TTC39B: variants seen among roughly 807,000 people sequenced by gnomAD.
The protein encoded by TTC39B is tetratricopeptide repeat domain 39B.
TTC39B carries 92 observed loss-of-function variants against 96.6 expected under a neutral mutation model. That is an observed-to-expected ratio of 0.95 (90% CI 0.80 to 1.13). The LOEUF is 1.13. Ranked by LOEUF, TTC39B falls within the 50% of genes most tolerant of loss-of-function variation. TTC39B has a pLI of 0.00. For synonymous variants in TTC39B, 367 were observed against 299.4 expected, an observed-to-expected ratio of 1.23 and a Z score of -2.33; for missense variants, 955 against 809.3, an observed-to-expected ratio of 1.18 and a Z score of -2.18.
chr9:15,168,052 G>A (rs1478821052), exon 20 of TTC39B: 1 of 152,164 alleles, frequency 6.6e-6, no homozygotes, highest in Non-Finnish European at 1.5e-5. Flanking sequence ...CACAAATCAG[G>A]TGATCATAGT....
At chr9:15,249,760 TG>T in intron 2 of TTC39B, 1 of 464,464 alleles carries the variant, frequency 2.2e-6, no homozygotes, top group South Asian at 3.5e-5. Context: ...AAGCTCTTAA[TG>T]AAGACAATGT....
intron 3 of TTC39B, among the ~76,000 whole-genome samples, chr9:15,217,605 C>G (rs751916937): frequency 6.6e-6 from 1 of 152,158 alleles, no homozygotes; most frequent in South Asian, 2.1e-4. Context: ...CTCGGACACA[C>G]GTGTTCCTCT....
At chr9:15,249,471 C>T (rs1027474432) in intron 2 of TTC39B, 1 of 152,954 alleles carries the variant, frequency 6.5e-6, no homozygotes, top group African/African-American at 2.4e-5. Context: ...ATTACCCTAA[C>T]AAAACAAAAC....
chr9:15,211,205 T>C, intron 5 of TTC39B, 61 bp downstream of exon 5: 2 of 1,391,092 alleles, frequency 1.4e-6, no homozygotes, highest in Non-Finnish European at 1.9e-6. Context: ...ATGACATTAT[T>C]TTTGTCACAC....
chr9:15,307,029 C>G (rs1050039597), intron 1 of TTC39B, 55 bp downstream of exon 1: 27 of 1,585,784 alleles, frequency 1.7e-5, no homozygotes, highest in Non-Finnish European at 2.1e-5. Context: ...TCTTCTCTCC[C>G]GGACTCCTGT....
rs370200846 is a variant in TTC39B at position 15,246,137 on chromosome 9, C to T, written c.276-20125G>A. Reference sequence around the variant, plus strand: ...GCGTGGTGGCACATGCCTGTAATCCCGGCTACTAGGGAGTCTGAGGCAGGA... The same window carrying T: ...GCGTGGTGGCACATGCCTGTAATCCTGGCTACTAGGGAGTCTGAGGCAGGA... On this transcript the variant is annotated intron_variant, in intron 2 of 19. Coordinates refer to ENST00000512701, the Ensembl canonical transcript of TTC39B. Among the ~76,000 whole-genome samples the T allele has an allele frequency of 1.4e-4, 22 of 152,226 alleles. 1 individual carries two copies. The East Asian group carries it at 3.7e-3, about 25-fold the overall frequency.
At chr9:15,227,109 C>T (rs1432856384) in intron 2 of TTC39B, among the ~76,000 whole-genome samples, 1 of 152,048 alleles carries the variant, frequency 6.6e-6, no homozygotes, top group Admixed American at 6.6e-5. Flanking sequence ...GAGTTCGAGA[C>T]CAGCCTGGCC....
At chr9:15,180,877 A>C (rs535429232) in intron 17 of TTC39B, among the ~76,000 whole-genome samples, 2 of 152,298 alleles carry the variant, frequency 1.3e-5, no homozygotes, top group South Asian at 4.1e-4. Context: ...AAATAAACTA[A>C]TTATTTCACC....
exon 20 of TTC39B, chr9:15,166,979 A>ATTT (rs1371714154): frequency 1.5e-4 from 5 of 33,430 alleles, no homozygotes; most frequent in Middle Eastern, 0.018. Context: ...ACAAACCTTT[A>ATTT]TTTTATATAT....
At chr9:15,292,998 A>G (rs1824242769) in intron 1 of TTC39B, among the ~76,000 whole-genome samples, 1 of 152,240 alleles carries the variant, frequency 6.6e-6, no homozygotes, top group Admixed American at 6.5e-5. Flanking sequence ...AGGCCTTCAC[A>G]TTCACTCACC....
In TTC39B at chr9:15,278,772, C is replaced by T. The variant is rs76390216; in HGVS notation, c.241-10824G>A. Among the ~76,000 whole-genome samples the T allele has an allele frequency of 2.3e-3, 344 of 152,320 alleles. 2 individuals are homozygous for T. The highest frequency in any genetic ancestry group is 7.2e-3 in the African/African-American group (301 of 41,570). ...ACCTAGGCACTATGTTGAATACTCA[C>T]GTGCTTATTTCTAATTCACAAATAC... On this transcript the variant is annotated intron_variant, in intron 1 of 19. Transcript: ENST00000512701.
At chr9:15,259,434 A>G (rs7864179) in intron 2 of TTC39B, among the ~76,000 whole-genome samples, 23,131 of 152,212 alleles carry the variant, frequency 0.15, 1,956 homozygotes, top group African/African-American at 0.23. Context: ...TCACCATGCA[A>G]CTTACCAATT....
intron 2 of TTC39B, among the ~76,000 whole-genome samples, chr9:15,239,116 T>G (rs1486260499): frequency 6.6e-6 from 1 of 151,966 alleles, no homozygotes; most frequent in East Asian, 1.9e-4. Flanking sequence ...GAACAGATAT[T>G]TCTTAAATAA....
Position 15,193,490 on chromosome 9 carries a change from T to C in TTC39B, c.825-795A>G, listed in dbSNP as rs192267576. Among the ~76,000 whole-genome samples, 131 of 152,378 alleles carry C rather than the reference T, an allele frequency of 8.6e-4. 1 individual carries two copies. Among genetic ancestry groups the C allele is most frequent in the African/African-American group, 2.9e-3 (121 of 41,602 alleles). On this transcript the variant is annotated intron_variant, in intron 8 of 19. Transcript: ENST00000512701. The stretch of plus-strand genomic sequence containing the variant: ...GTGCAACTACACTTGTGATCCAGTC[T>C]AGCCAAATATTTTTAATCTGAATCT...
At chr9:15,215,858 T>C (rs1405558179) in intron 3 of TTC39B, among the ~76,000 whole-genome samples, 4 of 152,190 alleles carry the variant, frequency 2.6e-5, no homozygotes, top group Non-Finnish European at 2.9e-5. Context: ...AACGAGACGC[T>C]ATCTCAAAAA....
chr9:15,281,625 C>CAAAAAAAAAAAAAAAAAA (rs1161175672), intron 1 of TTC39B, among the ~76,000 whole-genome samples: 5 of 49,008 alleles, frequency 1.0e-4, no homozygotes, highest in African/African-American at 4.8e-4. Flanking sequence ...CCTGCAACAG[C>CAAAAAAAAAAAAAAAAAA]AAAAAAAAAA....
At chr9:15,273,030 A>T (rs1190625090) in intron 1 of TTC39B, among the ~76,000 whole-genome samples, 1 of 152,188 alleles carries the variant, frequency 6.6e-6, no homozygotes, top group Non-Finnish European at 1.5e-5. Flanking sequence ...TCACCTACTA[A>T]GGCTTTTCCA....
At chr9:15,256,388 G>A (rs968430645) in intron 2 of TTC39B, among the ~76,000 whole-genome samples, 3 of 152,068 alleles carry the variant, frequency 2.0e-5, no homozygotes, top group Admixed American at 1.3e-4. Context: ...ATTTTGTTAC[G>A]GCAGCCCAAA....
chr9:15,250,244 T>A, intron 2 of TTC39B: 1 of 1,096,468 alleles, frequency 9.1e-7, no homozygotes, highest in African/African-American at 1.7e-5. Flanking sequence ...GGGAGATTTT[T>A]TTTCCCCCAA....
Sources: gnomAD v4.1 joint callset for allele counts (sites outside exome capture counted in the v4.1 genomes callset) on GRCh38, gnomAD v4.1.1 for gene constraint, MANE v1.5 for transcripts, NCBI Gene and HGNC (gene_info 2026-07-23, HGNC 2026-07-21) for gene names.